CSMD1: variants seen among roughly 807,000 people sequenced by gnomAD.
CSMD1 encodes CUB and Sushi multiple domains 1.
A neutral mutation model predicts 417.5 loss-of-function variants in CSMD1; 213 were observed. The observed-to-expected ratio is 0.51, with a 90% confidence interval of 0.46 to 0.57. CSMD1 has a LOEUF of 0.57. Ranked by LOEUF, CSMD1 falls within the 20% of genes least tolerant of loss-of-function variation. The probability of loss-of-function intolerance (pLI) is 0.00; values close to 1 mark genes in which losing one functional copy is unlikely to be tolerated. For synonymous variants in CSMD1, 2,862 were observed against 1,736.8 expected, an observed-to-expected ratio of 1.65 and a Z score of -16.11; for missense variants, 6,923 against 4,529.7, an observed-to-expected ratio of 1.53 and a Z score of -15.17.
intron 3 of CSMD1, among the ~76,000 whole-genome samples, chr8:4,209,993 G>A (rs1020687669): frequency 2.0e-5 from 3 of 152,256 alleles, no homozygotes; most frequent in African/African-American, 7.2e-5. Flanking sequence ...ATGAAAGGCT[G>A]CTTCTGCCCC....
chr8:4,214,312 A>T (rs746331494), intron 3 of CSMD1, among the ~76,000 whole-genome samples: 1 of 152,170 alleles, frequency 6.6e-6, no homozygotes, highest in Non-Finnish European at 1.5e-5. Context: ...TAGTTTTATT[A>T]TTTGAGAAAA....
chr8:4,537,135 G>T (rs957157367), intron 2 of CSMD1, among the ~76,000 whole-genome samples: 1 of 152,068 alleles, frequency 6.6e-6, no homozygotes, highest in Non-Finnish European at 1.5e-5. Context: ...ATGTAAAACT[G>T]TATTACAATT....
chr8:3,899,468 C>T (rs1375593485), intron 5 of CSMD1, among the ~76,000 whole-genome samples: 2 of 152,060 alleles, frequency 1.3e-5, no homozygotes, highest in Admixed American at 6.6e-5. Flanking sequence ...TTGATCCAAC[C>T]GCAGAGGTGG....
At chr8:4,054,850 G>T (rs909757778) in intron 3 of CSMD1, among the ~76,000 whole-genome samples, 3 of 152,116 alleles carry the variant, frequency 2.0e-5, no homozygotes, top group Admixed American at 2.0e-4. Flanking sequence ...CCACTGTTTG[G>T]AGAGAATGTA....
At chr8:3,832,341 C>T (rs543525583) in intron 5 of CSMD1, among the ~76,000 whole-genome samples, 1 of 152,166 alleles carries the variant, frequency 6.6e-6, no homozygotes, top group South Asian at 2.1e-4. Context: ...AAATATATAC[C>T]GCAAATCTCC....
chr8:3,933,260 T>A (rs1398527751), intron 5 of CSMD1, among the ~76,000 whole-genome samples: 3 of 152,174 alleles, frequency 2.0e-5, no homozygotes, highest in African/African-American at 7.2e-5. Flanking sequence ...CGTGTTAAAT[T>A]GACTAATCTA....
intron 1 of CSMD1, among the ~76,000 whole-genome samples, chr8:4,839,446 T>C (rs1406973297): frequency 6.6e-6 from 1 of 152,206 alleles, no homozygotes; most frequent in Non-Finnish European, 1.5e-5. Context: ...GAAAAAAAGT[T>C]GCTAGACATT....
chr8:3,414,238 A>T (rs1812990970), intron 12 of CSMD1, among the ~76,000 whole-genome samples: 1 of 140,172 alleles, frequency 7.1e-6, no homozygotes, highest in Admixed American at 7.4e-5. Context: ...AAAAAAAAAA[A>T]ATGCTGTACA....
chr8:3,172,444 G>A (rs559317151), intron 37 of CSMD1, among the ~76,000 whole-genome samples: 2 of 152,238 alleles, frequency 1.3e-5, no homozygotes, highest in South Asian at 4.1e-4. Flanking sequence ...TTTGCTTCAA[G>A]GTGCTTATCA....
At chr8:4,231,329 T>C (rs532749780) in intron 3 of CSMD1, among the ~76,000 whole-genome samples, 2 of 152,270 alleles carry the variant, frequency 1.3e-5, no homozygotes, top group South Asian at 4.1e-4. Context: ...CAACCTCACA[T>C]ATGACTTCAA....
chr8:4,355,502 G>C (rs1025689140), intron 3 of CSMD1, among the ~76,000 whole-genome samples: 4 of 152,088 alleles, frequency 2.6e-5, no homozygotes, highest in Admixed American at 6.6e-5. Context: ...GAATGAAAGG[G>C]AACATTCAGT....
At chr8:4,006,684 T>G (rs1025865428) in intron 4 of CSMD1, among the ~76,000 whole-genome samples, 1 of 152,200 alleles carries the variant, frequency 6.6e-6, no homozygotes, top group Non-Finnish European at 1.5e-5. Context: ...AATCTGCACA[T>G]GCAGATGGCA....
In CSMD1 at chr8:3,954,960, T is replaced by A. The variant is rs914453576; in HGVS notation, c.818+42943A>T. Among the ~76,000 whole-genome samples the A allele has an allele frequency of 2.6e-5, 4 of 152,224 alleles. 1 individual carries two copies. The highest frequency in any genetic ancestry group is 2.0e-4 in the Admixed American group (3 of 15,280). On this transcript the variant is annotated intron_variant, in intron 5 of 69. Transcript: ENST00000635120. ...CACAGAAAGTTGTTTCTCCCTGGGG[T>A]CTGCATTCAGTTAACATTTTGATGT...
intron 1 of CSMD1, among the ~76,000 whole-genome samples, chr8:4,680,661 C>T (rs1398125619): frequency 6.6e-6 from 1 of 152,086 alleles, no homozygotes; most frequent in Admixed American, 6.5e-5. Context: ...CTCACTGCAA[C>T]CTCTGCCTCC....
chr8:4,119,759 G>T lies in CSMD1; in HGVS notation c.416-87660C>A, dbSNP rs538787101. Among the ~76,000 whole-genome samples the T allele has an allele frequency of 2.6e-5, 4 of 152,276 alleles. No individual in the cohort carries two copies. The East Asian group carries it at 7.7e-4, about 29-fold the overall frequency. On this transcript the variant is annotated intron_variant, in intron 3 of 69. Transcript: ENST00000635120. ...CAAACAGTGGGAAATGAACATCCAT[G>T]GCATTTTGCTACAGCAGCCTGAGCT...
At chr8:4,216,842 G>C (rs562021111) in intron 3 of CSMD1, among the ~76,000 whole-genome samples, 11 of 152,134 alleles carry the variant, frequency 7.2e-5, no homozygotes, top group Admixed American at 2.6e-4. Flanking sequence ...TGAGGATGGG[G>C]TGTCAGACCC....
In CSMD1 at chr8:4,985,163, G is replaced by C. The variant is rs139095718; in HGVS notation, c.85+9169C>G. On this transcript the variant is annotated intron_variant, in intron 1 of 69. Transcript: ENST00000635120. ...CTTATAAGTGGGAGCAAAATGATGA[G>C]AACACATGGACACATAGAAGGGAAC... Among the ~76,000 whole-genome samples the C allele has an allele frequency of 4.2e-4, 64 of 152,210 alleles. No individual in the cohort carries two copies. The East Asian group carries it at 0.011, about 27-fold the overall frequency.
intron 10 of CSMD1, among the ~76,000 whole-genome samples, chr8:3,548,185 G>C (rs1798756867): frequency 6.6e-6 from 1 of 152,126 alleles, no homozygotes; most frequent in Admixed American, 6.5e-5. Flanking sequence ...TGCAACCTAG[G>C]ATTCCTTTGC....
At chr8:3,599,469 C>T (rs144138188) in intron 8 of CSMD1, among the ~76,000 whole-genome samples, 4 of 152,046 alleles carry the variant, frequency 2.6e-5, no homozygotes, top group Non-Finnish European at 4.4e-5. Flanking sequence ...TTAACCACAA[C>T]GCAGCATTAG....
Sources: allele counts gnomAD v4.1 joint callset (sites outside exome capture counted in the v4.1 genomes callset), GRCh38; gene constraint gnomAD v4.1.1; transcripts MANE v1.5; gene names NCBI Gene and HGNC (gene_info 2026-07-23, HGNC 2026-07-21).